The following GALNTL6 variants were observed in gnomAD, a reference collection of about 807,000 sequenced individuals.
GALNTL6 encodes the protein polypeptide N-acetylgalactosaminyltransferase-like 6.
A neutral mutation model predicts 73.7 loss-of-function variants in GALNTL6; 46 were observed. The observed-to-expected ratio is 0.62, with a 90% confidence interval of 0.49 to 0.80. GALNTL6 has a LOEUF of 0.80. GALNTL6 is among the 30% of genes least tolerant of loss of function. The pLI is 0.00. For missense variants in GALNTL6, 604 were observed against 755.0 expected (o/e 0.80, Z 2.34); for synonymous variants, 259 against 263.7 (o/e 0.98, Z 0.17).
intron 3 of GALNTL6, among the ~76,000 whole-genome samples, chr4:172,303,708 CA>C: frequency 6.6e-6 from 1 of 152,274 alleles, no homozygotes; most frequent in Non-Finnish European, 1.5e-5. Context: ...ACTTATTTAA[CA>C]AAACTCCCTA....
At chr4:172,439,440 A>G (rs950759991) in intron 5 of GALNTL6, among the ~76,000 whole-genome samples, 7 of 150,050 alleles carry the variant, frequency 4.7e-5, no homozygotes, top group African/African-American at 1.7e-4. Context: ...CTCTACTTAC[A>G]TTCGTCATGA....
At chr4:171,959,752 T>C (rs1400798401) in intron 2 of GALNTL6, among the ~76,000 whole-genome samples, 1 of 152,176 alleles carries the variant, frequency 6.6e-6, no homozygotes, top group East Asian at 1.9e-4. Context: ...GAGCTCAAAA[T>C]ATCTGCCTGA....
chr4:172,955,750 G>A (rs1345185307), intron 10 of GALNTL6, among the ~76,000 whole-genome samples: 2 of 151,896 alleles, frequency 1.3e-5, no homozygotes, highest in African/African-American at 2.4e-5. Context: ...GGCTGAGTCC[G>A]AAAAGAAGGG....
chr4:172,142,727 T>C (rs1024321960), intron 2 of GALNTL6, among the ~76,000 whole-genome samples: 1 of 151,872 alleles, frequency 6.6e-6, no homozygotes, highest in Non-Finnish European at 1.5e-5. Flanking sequence ...TTTCTAGAAT[T>C]CTAGAAATTC....
intron 5 of GALNTL6, among the ~76,000 whole-genome samples, chr4:172,746,008 A>C (rs1487320399): frequency 6.6e-6 from 1 of 151,892 alleles, no homozygotes; most frequent in Non-Finnish European, 1.5e-5. Context: ...CTATGGGCCA[A>C]ATACTTCTCT....
At chr4:172,867,739 A>G (rs907128556) in intron 7 of GALNTL6, among the ~76,000 whole-genome samples, 1 of 152,222 alleles carries the variant, frequency 6.6e-6, no homozygotes, top group Non-Finnish European at 1.5e-5. Context: ...ACAAGCAGGT[A>G]TACCTGTGAC....
intron 2 of GALNTL6, among the ~76,000 whole-genome samples, chr4:172,196,650 C>G (rs531255937): frequency 2.0e-5 from 3 of 152,244 alleles, no homozygotes; most frequent in African/African-American, 7.2e-5. Flanking sequence ...TTATACAAAT[C>G]AATAAATGTA....
chr4:172,433,929 C>A (rs1027831328), intron 5 of GALNTL6, among the ~76,000 whole-genome samples: 2 of 152,098 alleles, frequency 1.3e-5, no homozygotes, highest in African/African-American at 4.8e-5. Flanking sequence ...CCACTCCCTC[C>A]CAGCCTCACT....
chr4:172,488,216 T>G (rs1036614609), intron 5 of GALNTL6, among the ~76,000 whole-genome samples: 1 of 152,090 alleles, frequency 6.6e-6, no homozygotes, highest in Non-Finnish European at 1.5e-5. Flanking sequence ...AAGAGATAAG[T>G]TTCATTAAAC....
chr4:172,247,554 A>G (rs925912808), intron 3 of GALNTL6, among the ~76,000 whole-genome samples: 6 of 152,220 alleles, frequency 3.9e-5, no homozygotes, highest in African/African-American at 1.2e-4. Flanking sequence ...ACCAATGTCC[A>G]ATAGACACAA....
chr4:172,311,186 A>T (rs1463508678), intron 3 of GALNTL6, among the ~76,000 whole-genome samples: 1 of 152,286 alleles, frequency 6.6e-6, no homozygotes, highest in Middle Eastern at 3.4e-3. Flanking sequence ...AAAGATGTTC[A>T]TTGTAATGGA....
At chr4:172,476,581 C>T (rs1222857140) in intron 5 of GALNTL6, among the ~76,000 whole-genome samples, 1 of 152,190 alleles carries the variant, frequency 6.6e-6, no homozygotes, top group Non-Finnish European at 1.5e-5. Context: ...TTCTCTGTCA[C>T]TTATAAGCAA....
chr4:172,002,374 G>T (rs565499820), intron 2 of GALNTL6, among the ~76,000 whole-genome samples: 6 of 152,214 alleles, frequency 3.9e-5, no homozygotes, highest in African/African-American at 1.4e-4. Flanking sequence ...AGAGTGAAAA[G>T]ACAGCTGTCT....
At chr4:172,409,321 A>C (rs568719950) in intron 5 of GALNTL6, among the ~76,000 whole-genome samples, 1 of 152,146 alleles carries the variant, frequency 6.6e-6, no homozygotes, top group East Asian at 1.9e-4. Context: ...TTGGTAATAG[A>C]TTTTTTAGGG....
At chr4:172,812,928 T>A (rs1224535267) in intron 6 of GALNTL6, among the ~76,000 whole-genome samples, 3 of 152,178 alleles carry the variant, frequency 2.0e-5, no homozygotes, top group African/African-American at 7.2e-5. Context: ...CTTTTTCGAA[T>A]ATGATGAGGG....
At chr4:172,307,195 G>T (rs1740169288) in intron 3 of GALNTL6, among the ~76,000 whole-genome samples, 1 of 151,954 alleles carries the variant, frequency 6.6e-6, no homozygotes, top group African/African-American at 2.4e-5. Context: ...GTTTTAATTT[G>T]GATTTCCTTC....
intron 5 of GALNTL6, among the ~76,000 whole-genome samples, chr4:172,382,257 C>T (rs750943129): frequency 2.4e-4 from 36 of 152,000 alleles, no homozygotes; most frequent in Non-Finnish European, 3.8e-4. Context: ...GAGTGAGCCA[C>T]CACGCCCAGC....
At chr4:172,459,653 C>T (rs561989650) in intron 5 of GALNTL6, among the ~76,000 whole-genome samples, 33 of 152,168 alleles carry the variant, frequency 2.2e-4, no homozygotes, top group South Asian at 2.1e-4. Flanking sequence ...ATACAACTTA[C>T]AAGGGATATG....
At chr4:172,444,633 G>C (rs758984358) in intron 5 of GALNTL6, among the ~76,000 whole-genome samples, 2 of 151,970 alleles carry the variant, frequency 1.3e-5, no homozygotes, top group East Asian at 3.9e-4. Context: ...GATATGTCTC[G>C]TAGGTTTCAG....
Sources: allele counts gnomAD v4.1 joint callset (sites outside exome capture counted in the v4.1 genomes callset), GRCh38; gene constraint gnomAD v4.1.1; transcripts MANE v1.5; gene names NCBI Gene and HGNC (gene_info 2026-07-23, HGNC 2026-07-21).